The following ANKRD30B variants were observed in gnomAD, a reference collection of about 807,000 sequenced individuals.
ANKRD30B encodes the protein ankyrin repeat domain-containing protein 30B.
ANKRD30B carries 144 observed loss-of-function variants against 202.2 expected under a neutral mutation model. That is an observed-to-expected ratio of 0.71 (90% confidence interval 0.62 to 0.82). The LOEUF is 0.82. ANKRD30B is among the 40% of genes least tolerant of loss of function. The probability of loss-of-function intolerance (pLI) is 0.00; values close to 1 mark genes in which losing one functional copy is unlikely to be tolerated. For synonymous variants in ANKRD30B, 508 were observed against 561.3 expected (o/e 0.91, Z 1.34); for missense variants, 1,487 against 1,669.1 (o/e 0.89, Z 1.90).
intron 10 of ANKRD30B, 84 bp from the exon 11 acceptor site, chr18:14,779,876 A>T (rs1478727334): frequency 1.3e-4 from 127 of 945,878 alleles, no homozygotes; most frequent in Non-Finnish European, 2.0e-4. Context: ...CCACAGATTC[A>T]TGAATGAAAA....
chr18:14,850,516 CT>C, intron 41 of ANKRD30B, 134 bp downstream of exon 41: 1 of 905,202 alleles, frequency 1.1e-6, no homozygotes, highest in Non-Finnish European at 1.5e-6. Context: ...TTAACTATGA[CT>C]TTTGTAGCTA....
rs35396544 is a variant in ANKRD30B, at chr18:14,809,815, T to C, written c.2387-171T>C. Among the ~76,000 whole-genome samples, 382 of 150,612 alleles carry C rather than the reference T, an allele frequency of 2.5e-3. 13 individuals carry two copies. The highest frequency in any genetic ancestry group is 4.8e-3 in the African/African-American group (196 of 40,908). ...CCATAGCAATAGTTTCAGGGAGTCT[T>C]CCTACAGTTGACATGTTAACAAATA... On this transcript the variant is annotated intron_variant, in intron 26 of 43. Transcript: ENST00000690538.
intron 16 of ANKRD30B, among the ~76,000 whole-genome samples, chr18:14,794,655 T>A (rs1035991546): frequency 6.6e-6 from 1 of 152,220 alleles, no homozygotes; most frequent in African/African-American, 2.4e-5. Context: ...GGGTTTTTAT[T>A]TAAAGTGTAT....
chr18:14,833,160 C>G (rs979433019), intron 34 of ANKRD30B, among the ~76,000 whole-genome samples: 1 of 151,270 alleles, frequency 6.6e-6, no homozygotes, highest in Non-Finnish European at 1.5e-5. Flanking sequence ...TGGTGTCGAT[C>G]TCTTCACCTC....
Position 14,795,025 on chromosome 18 carries a change from C to G in ANKRD30B, c.1826-1196C>G, listed in dbSNP as rs1433431893. On this transcript the variant is annotated intron_variant, in intron 16 of 43. Transcript: ENST00000690538. ...TTCATAACAGTGGCTTAACAACTCA[C>G]ATGGTATAACAAATAGAATTAGTTT... Among the ~76,000 whole-genome samples, 3 of 152,180 alleles carry G rather than the reference C, an allele frequency of 2.0e-5. 1 individual carries two copies. Among genetic ancestry groups the G allele is most frequent in the African/African-American group, 7.2e-5 (3 of 41,436 alleles).
chr18:14,923,006 G>T, the ANKRD30B span, among the ~76,000 whole-genome samples: 1 of 152,114 alleles, frequency 6.6e-6, no homozygotes, highest in Admixed American at 6.6e-5. Flanking sequence ...ACACATCCTG[G>T]GCCAGGAAAA....
the ANKRD30B span, among the ~76,000 whole-genome samples, chr18:14,872,055 A>T: frequency 6.6e-6 from 1 of 152,124 alleles, no homozygotes; most frequent in East Asian, 1.9e-4. Context: ...GAGAAGCAGA[A>T]AATGTAGGAA....
At chr18:14,816,178 G>T (rs2144083483) in intron 30 of ANKRD30B, 1 of 152,300 alleles carries the variant, frequency 6.6e-6, no homozygotes, top group South Asian at 2.1e-4. Flanking sequence ...TATTTTCTCA[G>T]TGTCACGATT....
chr18:14,759,547 T>A (rs962373451), intron 5 of ANKRD30B, among the ~76,000 whole-genome samples: 1 of 152,214 alleles, frequency 6.6e-6, no homozygotes, highest in Non-Finnish European at 1.5e-5. Context: ...TAGGGTTTTG[T>A]GTTCCACAGC....
chr18:14,827,488 G>A (rs1443906923), intron 32 of ANKRD30B, among the ~76,000 whole-genome samples: 1 of 152,114 alleles, frequency 6.6e-6, no homozygotes, highest in Admixed American at 6.6e-5. Context: ...AGATAGACAG[G>A]GTTGGAATTA....
intron 16 of ANKRD30B, among the ~76,000 whole-genome samples, chr18:14,793,563 T>G (rs1201239861): frequency 6.6e-6 from 1 of 151,990 alleles, no homozygotes; most frequent in Non-Finnish European, 1.5e-5. Flanking sequence ...CAGCAACTTT[T>G]TATTTTTTGT....
At chr18:14,834,863 TTA>T (rs1245359052) in intron 34 of ANKRD30B, among the ~76,000 whole-genome samples, 25 of 152,022 alleles carry the variant, frequency 1.6e-4, no homozygotes, top group Admixed American at 1.6e-3. Context: ...TTTAGTAACT[TTA>T]TGTCTTATAT....
intron 16 of ANKRD30B, among the ~76,000 whole-genome samples, chr18:14,795,976 A>C (rs566347066): frequency 6.6e-4 from 101 of 152,210 alleles, no homozygotes; most frequent in Non-Finnish European, 1.1e-3. Flanking sequence ...TGTCAGTTGA[A>C]ATATATTTTG....
Position 14,776,857 on chromosome 18 carries a change from T to G in ANKRD30B, c.1330-1128T>G, listed in dbSNP as rs567259304. On this transcript the variant is annotated intron_variant, in intron 9 of 43. Coordinates refer to ENST00000690538, the MANE Select transcript of ANKRD30B (RefSeq NM_001367607.2). Reference sequence around the variant, plus strand: ...AAGCAGTTCTGTATCAGCAAAAACTTGTAAAAATCATTCTTATTATTTTAA... The same window carrying G: ...AAGCAGTTCTGTATCAGCAAAAACTGGTAAAAATCATTCTTATTATTTTAA... Among the ~76,000 whole-genome samples the G allele has an allele frequency of 2.0e-5, 3 of 152,346 alleles. No individual in the cohort carries two copies. The South Asian group carries it at 6.2e-4, about 32-fold the overall frequency.
At chr18:14,903,876 G>A in the ANKRD30B span, among the ~76,000 whole-genome samples, 2 of 152,096 alleles carry the variant, frequency 1.3e-5, no homozygotes, top group Admixed American at 6.5e-5. Flanking sequence ...TTTCTACATC[G>A]AGGAACAACT....
the ANKRD30B span, among the ~76,000 whole-genome samples, chr18:14,929,787 A>G: frequency 6.6e-6 from 1 of 152,084 alleles, no homozygotes; most frequent in Non-Finnish European, 1.5e-5. Flanking sequence ...AGATATGTGC[A>G]TGCATGTGTG....
chr18:14,878,085 A>G, the ANKRD30B span, among the ~76,000 whole-genome samples: 1 of 152,182 alleles, frequency 6.6e-6, no homozygotes, highest in East Asian at 1.9e-4. Context: ...GTCCACTGTG[A>G]GGGAATAGGG....
chr18:14,861,322 CAA>C, the ANKRD30B span, among the ~76,000 whole-genome samples: 19 of 152,082 alleles, frequency 1.2e-4, no homozygotes, highest in African/African-American at 4.1e-4. Context: ...TGAATAGACA[CAA>C]AGTGGCAAAC....
chr18:14,868,670 G>A, the ANKRD30B span, among the ~76,000 whole-genome samples: 120,655 of 150,086 alleles, frequency 0.8, 45,786 homozygotes, highest in Non-Finnish European at 0.89. Flanking sequence ...GGCTTAGACC[G>A]GTATCACTTG....
Sources: allele counts gnomAD v4.1 joint callset (sites outside exome capture counted in the v4.1 genomes callset), GRCh38; gene constraint gnomAD v4.1.1; transcripts MANE v1.5; gene names NCBI Gene and HGNC (gene_info 2026-07-23, HGNC 2026-07-21).